ZFAND6: variants seen among roughly 807,000 people sequenced by gnomAD.
ZFAND6 encodes AN1-type zinc finger protein 6.
A neutral mutation model predicts 24.5 loss-of-function variants in ZFAND6; 12 were observed. The ratio of observed to expected loss-of-function variants is 0.49; its 90% CI spans 0.31 to 0.79. ZFAND6 has a LOEUF of 0.79. ZFAND6 is among the 30% of genes least tolerant of loss of function. The pLI is 0.04. For synonymous variants in ZFAND6, 92 were observed against 81.5 expected, an observed-to-expected ratio of 1.13 and a Z score of -0.69; for missense variants, 207 against 245.9, an observed-to-expected ratio of 0.84 and a Z score of 1.06.
At chr15:80,136,170 A>G (rs532407640) in intron 6 of ZFAND6, among the ~76,000 whole-genome samples, 5 of 152,222 alleles carry the variant, frequency 3.3e-5, no homozygotes, top group Admixed American at 1.3e-4. Context: ...TTAATATTAA[A>G]GATAGCCTTT....
In ZFAND6 at chr15:80,131,354, CTGT is replaced by C. The variant is rs778230425; in HGVS notation, c.478+67_478+69del. ...ATGTTTTATAATAATGCATAGCTTACTGTTGTTGACTTCAATTAAGATTGTTCC... is the reference window on the plus strand; with the variant it reads ...ATGTTTTATAATAATGCATAGCTTACTGTTGACTTCAATTAAGATTGTTCC... On this transcript the variant is annotated intron_variant, in intron 6 of 6. Coordinates refer to ENST00000261749, the MANE Select transcript of ZFAND6 (RefSeq NM_019006.4). The C allele has an allele frequency of 2.2e-6, 3 of 1,347,150 alleles. No individual in the cohort carries two copies. The South Asian group carries it at 3.9e-5, about 17-fold the overall frequency. The allele number at this position is 1,347,150 out of a possible 1,614,324, so 83.4% of individuals were successfully genotyped here.
intron 3 of ZFAND6, among the ~76,000 whole-genome samples, chr15:80,121,304 A>T (rs553421521): frequency 6.6e-6 from 1 of 152,346 alleles, no homozygotes; most frequent in South Asian, 2.1e-4. Context: ...TTGTTTTAAA[A>T]TTAAGTCATC....
intron 1 of ZFAND6, among the ~76,000 whole-genome samples, chr15:80,069,023 TTTTC>T (rs2036824526): frequency 1.3e-5 from 2 of 152,244 alleles, no homozygotes; most frequent in East Asian, 3.8e-4. Context: ...TTCAGAATTG[TTTTC>T]TTTGTGACTG....
At chr15:80,069,357 C>A (rs2141809713) in intron 1 of ZFAND6, among the ~76,000 whole-genome samples, 1 of 152,224 alleles carries the variant, frequency 6.6e-6, no homozygotes, top group Middle Eastern at 3.4e-3. Flanking sequence ...CCTTGTTTAT[C>A]CCTTGAGACC....
intron 1 of ZFAND6, among the ~76,000 whole-genome samples, chr15:80,091,160 GGT>G (rs61706731): frequency 0.015 from 2,235 of 150,178 alleles, 47 homozygotes; most frequent in African/African-American, 0.042. Context: ...GTTGTTAAGG[GGT>G]GTGTGTGTGT....
At chr15:80,071,848 T>A (rs1253094388) in intron 1 of ZFAND6, among the ~76,000 whole-genome samples, 5 of 152,082 alleles carry the variant, frequency 3.3e-5, no homozygotes, top group Non-Finnish European at 5.9e-5. Context: ...TGTTTGCCAA[T>A]GGTTAAGCAT....
At chr15:80,111,648 T>A in intron 2 of ZFAND6, 1 of 342,044 alleles carries the variant, frequency 2.9e-6, no homozygotes, top group Non-Finnish European at 5.9e-6. Flanking sequence ...TCTCATAAGT[T>A]TTTAATAAAG....
intron 1 of ZFAND6, among the ~76,000 whole-genome samples, chr15:80,077,692 T>C (rs1394382584): frequency 1.7e-5 from 2 of 120,632 alleles, no homozygotes; most frequent in Non-Finnish European, 3.6e-5. Context: ...GAGTGAGTTT[T>C]CTTTCTTTTT....
At chr15:80,063,147 C>G (rs139671742) in intron 1 of ZFAND6, among the ~76,000 whole-genome samples, 1 of 152,172 alleles carries the variant, frequency 6.6e-6, no homozygotes, top group East Asian at 1.9e-4. Flanking sequence ...GCAAAGTCCA[C>G]TAGAAATACA....
intron 1 of ZFAND6, among the ~76,000 whole-genome samples, chr15:80,069,425 T>C (rs904111173): frequency 2.0e-5 from 3 of 152,086 alleles, no homozygotes; most frequent in African/African-American, 4.8e-5. Context: ...ATCGGCTTGG[T>C]TTATGCTTGC....
chr15:80,117,257 C>G (rs1212012749), intron 2 of ZFAND6, among the ~76,000 whole-genome samples: 1 of 151,372 alleles, frequency 6.6e-6, no homozygotes, highest in Non-Finnish European at 1.5e-5. Flanking sequence ...GAGTCTCGCT[C>G]TGTTGCCCAG....
chr15:80,083,802 C>T (rs908575365), intron 1 of ZFAND6, among the ~76,000 whole-genome samples: 3 of 152,018 alleles, frequency 2.0e-5, no homozygotes, highest in South Asian at 2.1e-4. Context: ...GAGGAGGTTG[C>T]GGTGAGCTCA....
chr15:80,132,606 A>G (rs555346401), intron 6 of ZFAND6, among the ~76,000 whole-genome samples: 6 of 152,346 alleles, frequency 3.9e-5, no homozygotes, highest in African/African-American at 1.4e-4. Context: ...TTTAATCGGC[A>G]CTGATCACCT....
chr15:80,107,905 G>GATCTCTGAAAGC (rs1449481517), intron 2 of ZFAND6, among the ~76,000 whole-genome samples: 7 of 152,016 alleles, frequency 4.6e-5, no homozygotes, highest in Non-Finnish European at 1.0e-4. Flanking sequence ...CCTCTGAAAG[G>GATCTCTGAAAGC]ATCTCAAGAA....
chr15:80,068,049 C>T (rs2036754235), intron 1 of ZFAND6, among the ~76,000 whole-genome samples: 1 of 149,802 alleles, frequency 6.7e-6, no homozygotes. Context: ...GCAACCTCTG[C>T]CTCCTGGGTT....
At chr15:80,069,027 C>T (rs2036824675) in intron 1 of ZFAND6, among the ~76,000 whole-genome samples, 1 of 152,190 alleles carries the variant, frequency 6.6e-6, no homozygotes. Flanking sequence ...GAATTGTTTT[C>T]TTTGTGACTG....
intron 1 of ZFAND6, among the ~76,000 whole-genome samples, chr15:80,092,849 A>T (rs1219236308): frequency 2.0e-5 from 3 of 152,238 alleles, no homozygotes; most frequent in Non-Finnish European, 4.4e-5. Context: ...AATGAATTAT[A>T]TTAAAATACT....
intron 1 of ZFAND6, among the ~76,000 whole-genome samples, chr15:80,086,048 GT>G (rs2037981546): frequency 6.6e-6 from 1 of 151,926 alleles, no homozygotes; most frequent in Non-Finnish European, 1.5e-5. Context: ...TTATTTATTT[GT>G]TTTTGAGATG....
At chr15:80,077,319 AAGTT>A (rs1156941172) in intron 1 of ZFAND6, among the ~76,000 whole-genome samples, 1 of 152,232 alleles carries the variant, frequency 6.6e-6, no homozygotes, top group Non-Finnish European at 1.5e-5. Flanking sequence ...ATCATCAAAA[AAGTT>A]AAATAATGCA....
Sources: allele counts gnomAD v4.1 joint callset (sites outside exome capture counted in the v4.1 genomes callset), GRCh38; gene constraint gnomAD v4.1.1; transcripts MANE v1.5; gene names NCBI Gene and HGNC (gene_info 2026-07-23, HGNC 2026-07-21).